NPIPB8: variants seen among roughly 807,000 people sequenced by gnomAD.
NPIPB8 encodes the protein nuclear pore complex interacting protein family member B8.
NPIPB8 carries 3 observed loss-of-function variants against 5.3 expected under a neutral mutation model. That is an observed-to-expected ratio of 0.57 (90% CI 0.26 to 1.47). The LOEUF (loss-of-function observed/expected upper bound fraction) is 1.47, where lower values mean the gene tolerates loss of function less well. NPIPB8 is among the 40% of genes most tolerant of loss of function. NPIPB8 has a pLI of 0.13. For synonymous variants in NPIPB8, 18 were observed against 23.0 expected, an observed-to-expected ratio of 0.78 and a Z score of 0.62; for missense variants, 50 against 50.2, an observed-to-expected ratio of 1.00 and a Z score of 0.01.
chr16:28,639,614 C>T (rs2151742245), intron 2 of NPIPB8, among the ~76,000 whole-genome samples: 1 of 132,104 alleles, frequency 7.6e-6, no homozygotes, highest in Non-Finnish European at 1.6e-5. Flanking sequence ...CACCATCATG[C>T]CCAGCTAATT....
chr16:28,642,123 CAG>C (rs1368676987), intron 2 of NPIPB8, among the ~76,000 whole-genome samples: 4 of 148,172 alleles, frequency 2.7e-5, no homozygotes, highest in Non-Finnish European at 6.0e-5. Flanking sequence ...TTTTTTGAGA[CAG>C]AGTCTCATTC....
chr16:28,638,447 G>A lies in NPIPB8; in HGVS notation c.87G>A (p.Lys29=), dbSNP rs770053367. ...QLTKELQQHV[K]SVTCPCEYLR... ...CCAAGGAGCTGCAGCAGCATGTAAA[G>A]TCAGTGACATGCCCATGCGAGTACC... The change falls in exon 2 of 8, where the codon AAG becomes AAA. Residue 29 remains lysine (K), a synonymous_variant. Transcript: ENST00000683297. 3.2e-6 allele frequency: 5 copies of A among 1,573,198 alleles called. No homozygotes were observed. The highest frequency in any genetic ancestry group is 4.3e-6 in the Non-Finnish European group (5 of 1,167,070).
chr16:28,641,071 C>T (rs570417497), intron 2 of NPIPB8, among the ~76,000 whole-genome samples: 3 of 152,076 alleles, frequency 2.0e-5, no homozygotes, highest in African/African-American at 7.2e-5. Context: ...CTGTGTCGTG[C>T]ATGTATTCTG....
In NPIPB8 at chr16:28,639,283, G is replaced by A. The variant is rs1351150285; in HGVS notation, c.120+803G>A. On this transcript the variant is annotated intron_variant, in intron 2 of 7. Transcript: ENST00000683297. ...CCTTCATTTGTTTTGAATGCTCTGT[G>A]CAGTCTACAAAAAGTCCAATAGTAA... 1.2e-4 allele frequency among the ~76,000 whole-genome samples: 18 copies of A among 148,642 alleles called. No homozygotes were observed. In the South Asian group the frequency reaches 3.8e-3, roughly 32 times the overall value.
chr16:28,638,895 C>T (rs953612546), intron 2 of NPIPB8, among the ~76,000 whole-genome samples: 2 of 148,738 alleles, frequency 1.3e-5, no homozygotes, highest in African/African-American at 5.1e-5. Context: ...ATGGCAAAAC[C>T]TCGTCCCTAC....
At chr16:28,644,496 T>C in intron 2 of NPIPB8, 1 of 568,802 alleles carries the variant, frequency 1.8e-6, no homozygotes, top group Non-Finnish European at 2.6e-6. Flanking sequence ...CCAACTCAGA[T>C]CCGGCCCATT....
Position 28,639,256 on chromosome 16 carries a change from C to T in NPIPB8, c.120+776C>T, listed in dbSNP as rs969696053. On this transcript the variant is annotated intron_variant, in intron 2 of 7. Transcript: ENST00000683297. ...CAACATGTAATACATATTTTTTATT[C>T]TCCTTCATTTGTTTTGAATGCTCTG... Among the ~76,000 whole-genome samples, 13 of 147,854 alleles carry T rather than the reference C, an allele frequency of 8.8e-5. No individual in the cohort carries two copies. In the East Asian group the frequency reaches 2.4e-3, roughly 27 times the overall value.
At chr16:28,639,455 ATTTTT>A (rs1181691602) in intron 2 of NPIPB8, among the ~76,000 whole-genome samples, 5 of 120,840 alleles carry the variant, frequency 4.1e-5, no homozygotes, top group South Asian at 2.8e-4. Flanking sequence ...ATATATATAT[ATTTTT>A]TTTTTTTTTT....
At chr16:28,640,160 A>G (rs1971545) in intron 2 of NPIPB8, among the ~76,000 whole-genome samples, 5 of 151,516 alleles carry the variant, frequency 3.3e-5, no homozygotes, top group Non-Finnish European at 7.4e-5. Flanking sequence ...CCACCAGTTC[A>G]TGTTCTGACG....
At chr16:28,644,954 G>C (rs1376173047) in intron 2 of NPIPB8, among the ~76,000 whole-genome samples, 27 of 105,088 alleles carry the variant, frequency 2.6e-4, no homozygotes, top group Non-Finnish European at 5.5e-4. Context: ...AGCTGAGATG[G>C]CCCCGCTGCA....
rs1440834114 is a variant in NPIPB8 at position 28,644,527 on chromosome 16, C to T, written c.121-3608C>T. ...CCATTCCCCGTCCCCTTCCCTCCCC[C>T]CTGCCCTAAGCCACCTCCACCTCTG... On this transcript the variant is annotated intron_variant, in intron 2 of 7. Transcript: ENST00000683297. 193 of 1,356,806 alleles carry T rather than the reference C, an allele frequency of 1.4e-4. 3 individuals carry two copies. The highest frequency in any genetic ancestry group is 6.9e-5 in the Non-Finnish European group (71 of 1,033,222). The allele number at this position is 1,356,806 out of a possible 1,614,324, so 84.0% of individuals were successfully genotyped here.
intron 2 of NPIPB8, among the ~76,000 whole-genome samples, chr16:28,642,166 C>T (rs2411442): frequency 0.02 from 2,974 of 150,770 alleles, 107 homozygotes; most frequent in African/African-American, 0.069. Flanking sequence ...AGTGCAATGG[C>T]ACGATCTCGG....
At chr16:28,651,604 TTGTGTGTGTGTGTGTG>T (rs533825986) in intron 3 of NPIPB8, among the ~76,000 whole-genome samples, 1 of 39,130 alleles carries the variant, frequency 2.6e-5, no homozygotes, top group Non-Finnish European at 4.8e-5. Context: ...CATGTCATTC[TTGTGTGTGTGTGTGTG>T]TGTGTGTGTG....
At chr16:28,650,902 T>C (rs1297994048) in intron 3 of NPIPB8, among the ~76,000 whole-genome samples, 1 of 59,982 alleles carries the variant, frequency 1.7e-5, no homozygotes, top group Non-Finnish European at 2.7e-5. Flanking sequence ...CATGTTAACC[T>C]GTGGTAAAAT....
chr16:28,640,262 C>G (rs1161591563), intron 2 of NPIPB8, among the ~76,000 whole-genome samples: 3 of 151,640 alleles, frequency 2.0e-5, no homozygotes, highest in Non-Finnish European at 2.9e-5. Flanking sequence ...CAGCCCCAAA[C>G]GATGGAAATG....
intron 2 of NPIPB8, among the ~76,000 whole-genome samples, chr16:28,641,640 C>T (rs2047898567): frequency 7.4e-6 from 1 of 135,238 alleles, no homozygotes; most frequent in African/African-American, 2.7e-5. Flanking sequence ...GGTGCCAGCT[C>T]TGGAACGAAA....
intron 2 of NPIPB8, among the ~76,000 whole-genome samples, chr16:28,642,734 G>C (rs201621015): frequency 2.8e-4 from 41 of 148,816 alleles, no homozygotes; most frequent in African/African-American, 8.9e-4. Context: ...CGCCCACCTC[G>C]GCCTCCCAAA....
In NPIPB8 at chr16:28,638,311, A is replaced by C. The variant is rs769035262; in HGVS notation, c.-38-12A>C. On this transcript the variant is annotated splice_polypyrimidine_tract_variant and intron_variant, in intron 1 of 7. Transcript: ENST00000683297. ...CTCATTCAACAAACTTTTTTTCTTA[A>C]TTGTCTAATAGGTTGGCACTCATCA... is the stretch of plus-strand genomic sequence containing the variant. The C allele has an allele frequency of 1.8e-5, 28 of 1,556,892 alleles. No homozygotes were observed. The highest frequency in any genetic ancestry group is 4.4e-4 in the Middle Eastern group (2 of 4,520).
At chr16:28,642,107 C>CT (rs200990085) in intron 2 of NPIPB8, among the ~76,000 whole-genome samples, 13,297 of 146,330 alleles carry the variant, frequency 0.091, 1,730 homozygotes, top group African/African-American at 0.29. Context: ...TCTAGGGCTT[C>CT]TTTTTTTTTT....
Sources: allele counts gnomAD v4.1 joint callset (sites outside exome capture counted in the v4.1 genomes callset), GRCh38; gene constraint gnomAD v4.1.1; transcripts MANE v1.5; gene names NCBI Gene and HGNC (gene_info 2026-07-23, HGNC 2026-07-21).